PLD5: variants seen among roughly 807,000 people sequenced by gnomAD.
The protein encoded by PLD5 is phospholipase D family member 5.
In PLD5, 36 loss-of-function variants were observed where a neutral mutation model predicts 61.1. The observed-to-expected ratio is 0.59, with a 90% CI of 0.45 to 0.78. The LOEUF (loss-of-function observed/expected upper bound fraction) is 0.78, where lower values mean the gene tolerates loss of function less well. Among genes scored for constraint, PLD5 ranks in the 30% least tolerant of loss-of-function variants. The probability of loss-of-function intolerance (pLI) is 0.00; values close to 1 mark genes in which losing one functional copy is unlikely to be tolerated. For missense variants in PLD5, 515 were observed against 644.4 expected (o/e 0.80, Z 2.17); for synonymous variants, 243 against 242.8 (o/e 1.00, Z -0.01).
At chr1:242,506,821 G>T (rs919743959) in intron 1 of PLD5, among the ~76,000 whole-genome samples, 1 of 152,208 alleles carries the variant, frequency 6.6e-6, no homozygotes, top group Non-Finnish European at 1.5e-5. Context: ...TAGTGCACTG[G>T]CATGGTTCAG....
intron 1 of PLD5, among the ~76,000 whole-genome samples, chr1:242,353,013 T>G (rs1460904212): frequency 1.3e-5 from 2 of 152,212 alleles, no homozygotes; most frequent in Non-Finnish European, 2.9e-5. Flanking sequence ...CTAATTCCTT[T>G]GTTTTAAATA....
intron 1 of PLD5, among the ~76,000 whole-genome samples, chr1:242,451,559 G>A (rs1283227041): frequency 6.7e-5 from 10 of 149,980 alleles, no homozygotes; most frequent in East Asian, 2.0e-4. Flanking sequence ...ACCCAGGGTC[G>A]AGTGATTCTC....
chr1:242,162,855 G>A (rs1002041185), intron 5 of PLD5, among the ~76,000 whole-genome samples: 2 of 152,092 alleles, frequency 1.3e-5, no homozygotes, highest in African/African-American at 4.8e-5. Flanking sequence ...AGAAATATTT[G>A]GGGTGGAGGG....
At chr1:242,168,495 A>T (rs1051011936) in intron 5 of PLD5, among the ~76,000 whole-genome samples, 3 of 152,216 alleles carry the variant, frequency 2.0e-5, no homozygotes, top group Non-Finnish European at 4.4e-5. Context: ...ATTAAACAGC[A>T]CAAATTTAAG....
chr1:242,154,951 T>A (rs949297877), intron 5 of PLD5, among the ~76,000 whole-genome samples: 2 of 152,182 alleles, frequency 1.3e-5, no homozygotes, highest in East Asian at 1.9e-4. Context: ...TCTGGTAGAA[T>A]TCACTTGTGA....
chr1:242,332,951 C>T (rs12129830), intron 2 of PLD5, among the ~76,000 whole-genome samples: 8,889 of 152,232 alleles, frequency 0.058, 327 homozygotes, highest in Middle Eastern at 0.099. Flanking sequence ...ACAAGGTGAA[C>T]GGAGCACATC....
intron 4 of PLD5, among the ~76,000 whole-genome samples, chr1:242,238,956 T>G (rs1019096416): frequency 2.6e-5 from 4 of 152,124 alleles, no homozygotes; most frequent in Admixed American, 2.6e-4. Context: ...CATATCCCAG[T>G]TCAAGTGGGA....
intron 6 of PLD5, among the ~76,000 whole-genome samples, chr1:242,122,058 G>T (rs1662421985): frequency 6.6e-6 from 1 of 152,194 alleles, no homozygotes; most frequent in Non-Finnish European, 1.5e-5. Flanking sequence ...CCTGCACGTT[G>T]TGCACATGTA....
intron 4 of PLD5, among the ~76,000 whole-genome samples, chr1:242,236,457 GCT>G (rs1182413508): frequency 6.6e-6 from 1 of 151,794 alleles, no homozygotes; most frequent in African/African-American, 2.4e-5. Flanking sequence ...TTTATATCAA[GCT>G]CTGTCTAGTG....
chr1:242,223,662 T>C (rs1420654302), intron 4 of PLD5, among the ~76,000 whole-genome samples: 2 of 152,228 alleles, frequency 1.3e-5, no homozygotes, highest in Non-Finnish European at 2.9e-5. Context: ...TAAATTCCTG[T>C]ATGTGGTATA....
chr1:242,357,325 T>C, intron 1 of PLD5, among the ~76,000 whole-genome samples: 1 of 150,928 alleles, frequency 6.6e-6, no homozygotes, highest in East Asian at 2.0e-4. Context: ...GTAGGTAATA[T>C]ATTGCTTGTC....
intron 2 of PLD5, among the ~76,000 whole-genome samples, chr1:242,312,543 G>A (rs2149175505): frequency 6.6e-6 from 1 of 152,142 alleles, no homozygotes; most frequent in East Asian, 1.9e-4. Context: ...ATATCTGTGG[G>A]TCTATAAAAC....
chr1:242,124,875 G>T (rs1662664902), intron 5 of PLD5, among the ~76,000 whole-genome samples: 1 of 151,994 alleles, frequency 6.6e-6, no homozygotes, highest in African/African-American at 2.4e-5. Context: ...TTTGTATTAG[G>T]TCTCTAATTT....
rs570518013 is a variant in PLD5 at position 242,345,922 on chromosome 1, A to G, written c.326+2184T>C. 3.3e-5 allele frequency among the ~76,000 whole-genome samples: 5 copies of G among 151,852 alleles called. No homozygotes were observed. In the South Asian group the frequency reaches 1.0e-3, roughly 32 times the overall value. On this transcript the variant is annotated intron_variant, in intron 2 of 9. Coordinates refer to ENST00000536534, the MANE Select transcript of PLD5 (RefSeq NM_001372062.1). ...CAGACACACAAGAAGTGTATGTTGT[A>G]ATGTCTGAGAATGCAGAACAGAAAC...
In PLD5 at chr1:242,433,559, C is replaced by T. The variant is rs190669164; in HGVS notation, c.190-85317G>A. 1.6e-4 allele frequency among the ~76,000 whole-genome samples: 25 copies of T among 152,174 alleles called. No individual in the cohort carries two copies. In the East Asian group the frequency reaches 3.1e-3, roughly 19 times the overall value. Reference sequence around the variant, plus strand: ...ATTCATTCATTCAATAAATATTTATCGAATACCCACTATGAGCAACGCATT... The same window carrying T: ...ATTCATTCATTCAATAAATATTTATTGAATACCCACTATGAGCAACGCATT... On this transcript the variant is annotated intron_variant, in intron 1 of 9. Transcript: ENST00000536534.
chr1:242,096,253 C>A (rs1432625237), intron 9 of PLD5, among the ~76,000 whole-genome samples: 1 of 152,162 alleles, frequency 6.6e-6, no homozygotes, highest in Non-Finnish European at 1.5e-5. Context: ...CCACTGCACC[C>A]AGTCAATATT....
At chr1:242,213,520 A>G (rs1445664027) in intron 5 of PLD5, among the ~76,000 whole-genome samples, 1 of 152,142 alleles carries the variant, frequency 6.6e-6, no homozygotes, top group African/African-American at 2.4e-5. Context: ...CGTCCCGGTC[A>G]GTAAGACCTC....
At chr1:242,174,327 T>G (rs1666973115) in intron 5 of PLD5, among the ~76,000 whole-genome samples, 1 of 152,168 alleles carries the variant, frequency 6.6e-6, no homozygotes, top group Non-Finnish European at 1.5e-5. Flanking sequence ...ATCAGAGAAT[T>G]GCAAATCAAA....
In PLD5 at chr1:242,288,667, T is replaced by A. The variant is rs538217457; in HGVS notation, c.327-137A>T. The A allele has an allele frequency of 2.1e-6, 3 of 1,420,274 alleles. No individual in the cohort carries two copies. The East Asian group carries it at 7.8e-5, about 37-fold the overall frequency. The allele number at this position is 1,420,274 out of a possible 1,614,324, so 88.0% of individuals were successfully genotyped here. A position where few individuals can be genotyped will look rare whatever the true frequency, so the allele number is the denominator to read the frequency against. On this transcript the variant is annotated intron_variant, in intron 2 of 9. Transcript: ENST00000536534. ...ATGCATTCTCTCCTCATAATTTACA[T>A]ATTTTTTCCACAAAAGTCTTCTTAC...
Sources: allele counts gnomAD v4.1 joint callset (sites outside exome capture counted in the v4.1 genomes callset), GRCh38; gene constraint gnomAD v4.1.1; transcripts MANE v1.5; gene names NCBI Gene and HGNC (gene_info 2026-07-23, HGNC 2026-07-21).